The following NTRK2 variants were observed in gnomAD, a reference collection of about 807,000 sequenced individuals.
The protein encoded by NTRK2 is BDNF/NT-3 growth factors receptor.
NTRK2 carries 13 observed loss-of-function variants against 94.5 expected under a neutral mutation model. That is an observed-to-expected ratio of 0.14 (90% CI 0.09 to 0.22). The LOEUF (loss-of-function observed/expected upper bound fraction) is 0.22, where lower values mean the gene tolerates loss of function less well. Among genes scored for constraint, NTRK2 ranks in the 10% least tolerant of loss-of-function variants. The pLI is 1.00. For synonymous variants in NTRK2, 372 were observed against 407.4 expected (o/e 0.91, Z 1.05); for missense variants, 639 against 1,071.2 (o/e 0.60, Z 5.63).
intron 14 of NTRK2, among the ~76,000 whole-genome samples, chr9:84,931,101 C>G (rs2078010314): frequency 6.6e-6 from 1 of 152,084 alleles, no homozygotes; most frequent in Non-Finnish European, 1.5e-5. Context: ...CCCTAAGTAG[C>G]TCAGTCTTAA....
At chr9:84,803,119 A>G (rs1445989456) in intron 12 of NTRK2, among the ~76,000 whole-genome samples, 3 of 152,154 alleles carry the variant, frequency 2.0e-5, no homozygotes, top group Non-Finnish European at 2.9e-5. Context: ...CAGAGTGCCA[A>G]ATGAGTCTGT....
chr9:84,959,974 C>T (rs1456819612), intron 17 of NTRK2, among the ~76,000 whole-genome samples: 1 of 152,204 alleles, frequency 6.6e-6, no homozygotes, highest in African/African-American at 2.4e-5. Context: ...GCAATCCTAG[C>T]TGTTAAATCT....
rs1052977316 is a variant in NTRK2 at position 84,702,352 on chromosome 9, A to G, written c.292A>G (p.Ile98Val). 1.4e-5 allele frequency: 22 copies of G among 1,614,038 alleles called. No individual in the cohort carries two copies. The highest frequency in any genetic ancestry group is 1.9e-5 in the Non-Finnish European group (22 of 1,180,022). The change falls in exon 4 of 19, where the codon ATT (isoleucine) becomes GTT (valine). Residue 98 changes from isoleucine to valine, a missense_variant. Ile to Val is a conservative substitution (Grantham distance 29). Transcript: ENST00000277120. The stretch of plus-strand genomic sequence containing the variant: ...TGAAATTATGTGTTTTCACAGGACA[A>G]TTGTGGATTCTGGATTAAAATTTGT... ...EAYVGLRNLT[I>V]VDSGLKFVAH...
rs58663023 is a variant in NTRK2, at chr9:84,959,225, G to A, written c.2172+3708G>A. Among the ~76,000 whole-genome samples, 978 of 152,206 alleles carry A rather than the reference G, an allele frequency of 6.4e-3. 24 individuals carry two copies. The highest frequency in any genetic ancestry group is 0.045 in the Admixed American group (686 of 15,280). On this transcript the variant is annotated intron_variant, in intron 17 of 18. Coordinates refer to ENST00000277120, the MANE Select transcript of NTRK2 (RefSeq NM_006180.6). ...GCTGCTTTAGCTGATGTGAGCTGTCGTCACCAATGTTAAAAATTCTTTCCA... is the reference window on the plus strand; with the variant it reads ...GCTGCTTTAGCTGATGTGAGCTGTCATCACCAATGTTAAAAATTCTTTCCA...
chr9:84,773,611 T>C (rs2066761536), intron 12 of NTRK2, among the ~76,000 whole-genome samples: 1 of 152,202 alleles, frequency 6.6e-6, no homozygotes, highest in African/African-American at 2.4e-5. Flanking sequence ...GAAAACTATA[T>C]TTATCACCAC....
At chr9:84,761,448 G>A (rs1347766726) in intron 12 of NTRK2, among the ~76,000 whole-genome samples, 2 of 152,124 alleles carry the variant, frequency 1.3e-5, no homozygotes, top group South Asian at 2.1e-4. Flanking sequence ...TTCCTGGATT[G>A]CCTGTAAATG....
intron 12 of NTRK2, chr9:84,815,491 G>A: frequency 9.6e-6 from 10 of 1,038,818 alleles, no homozygotes; most frequent in Non-Finnish European, 1.2e-5. Flanking sequence ...TAATCCAGAG[G>A]CAGCCTGTGA....
chr9:84,733,193 G>A (rs147636622), intron 9 of NTRK2, among the ~76,000 whole-genome samples: 84 of 152,312 alleles, frequency 5.5e-4, no homozygotes, highest in African/African-American at 2.0e-3. Context: ...GTGGGGTGGT[G>A]TCAGAGCAGC....
chr9:84,868,617 A>T (rs2075703666), intron 14 of NTRK2, among the ~76,000 whole-genome samples: 1 of 152,182 alleles, frequency 6.6e-6, no homozygotes, highest in African/African-American at 2.4e-5. Flanking sequence ...TCCTTGAAAT[A>T]AAAGGTATTA....
At position 84,881,391 on chromosome 9, in the gene NTRK2, G is replaced by T. The variant is rs540191219; in HGVS notation, c.1633+13960G>T. Among the ~76,000 whole-genome samples the T allele has an allele frequency of 2.0e-5, 3 of 152,266 alleles. No homozygotes were observed. In the South Asian group the frequency reaches 6.2e-4, roughly 32 times the overall value. On this transcript the variant is annotated intron_variant, in intron 14 of 18. Transcript: ENST00000277120. ...TAATCAGGAAGTCACGTCTCACCAG[G>T]AATTCAGTGGCAGTAGTCAATGACT...
intron 14 of NTRK2, among the ~76,000 whole-genome samples, chr9:84,918,386 G>T (rs1343935069): frequency 6.6e-6 from 1 of 152,196 alleles, no homozygotes; most frequent in African/African-American, 2.4e-5. Flanking sequence ...TCACCTGCAT[G>T]TCCTTGCCTG....
At chr9:84,790,778 A>G (rs1453845277) in intron 12 of NTRK2, among the ~76,000 whole-genome samples, 1 of 152,208 alleles carries the variant, frequency 6.6e-6, no homozygotes, top group Non-Finnish European at 1.5e-5. Context: ...TTTTCAGTTC[A>G]AGATAGAACC....
intron 12 of NTRK2, among the ~76,000 whole-genome samples, chr9:84,755,333 T>C (rs1376624555): frequency 6.6e-6 from 1 of 152,182 alleles, no homozygotes; most frequent in Non-Finnish European, 1.5e-5. Context: ...CATCTTTATC[T>C]ACTGAGTGCC....
At chr9:84,727,175 A>T (rs748066906) in intron 8 of NTRK2, among the ~76,000 whole-genome samples, 5 of 152,324 alleles carry the variant, frequency 3.3e-5, no homozygotes, top group South Asian at 4.1e-4. Flanking sequence ...TTTCGAAGTT[A>T]TGTGAGATCA....
intron 6 of NTRK2, among the ~76,000 whole-genome samples, chr9:84,716,106 T>C (rs977375872): frequency 2.6e-5 from 4 of 152,256 alleles, no homozygotes; most frequent in South Asian, 4.1e-4. Flanking sequence ...AGTCCCACAG[T>C]GAATATAAGG....
Position 84,864,736 on chromosome 9 carries a change from C to CTTT in NTRK2, c.1445-2487_1445-2485dup, listed in dbSNP as rs71369154. ...CCTTAGCATAACACATCTTAATTTT[C>CTTT]TTTTTTTTTTTTTTTTTTTTTTGAA... On this transcript the variant is annotated intron_variant, in intron 13 of 18. Coordinates refer to ENST00000277120, the MANE Select transcript of NTRK2 (RefSeq NM_006180.6). Among the ~76,000 whole-genome samples the CTTT allele has an allele frequency of 1.4e-3, 151 of 104,574 alleles. 2 individuals carry two copies. The highest frequency in any genetic ancestry group is 1.8e-3 in the East Asian group (6 of 3,256). The allele number at this position is 104,574 out of a possible 152,430, so 68.6% of individuals were successfully genotyped here. A position where few individuals can be genotyped will look rare whatever the true frequency, so the allele number is the denominator to read the frequency against.
At chr9:84,729,808 A>G (rs1160635137) in intron 9 of NTRK2, among the ~76,000 whole-genome samples, 6 of 152,306 alleles carry the variant, frequency 3.9e-5, no homozygotes, top group Non-Finnish European at 7.4e-5. Flanking sequence ...GAGTCTTTTG[A>G]TATCAATGCA....
intron 2 of NTRK2, among the ~76,000 whole-genome samples, chr9:84,686,139 CAAGTT>C (rs2059700081): frequency 6.6e-6 from 1 of 152,146 alleles, no homozygotes; most frequent in African/African-American, 2.4e-5. Flanking sequence ...CTCAAGCTAT[CAAGTT>C]AAGATGTTTG....
At chr9:84,710,987 A>G (rs2061386275) in intron 6 of NTRK2, among the ~76,000 whole-genome samples, 196 bp downstream of exon 6, 1 of 152,216 alleles carries the variant, frequency 6.6e-6, no homozygotes, top group Non-Finnish European at 1.5e-5. Flanking sequence ...GGATGGCTGT[A>G]AAGTGCATAG....
Sources: allele counts gnomAD v4.1 joint callset (sites outside exome capture counted in the v4.1 genomes callset), GRCh38; gene constraint gnomAD v4.1.1; transcripts MANE v1.5; gene names NCBI Gene and HGNC (gene_info 2026-07-23, HGNC 2026-07-21).